The following CDH12 variants were observed in gnomAD, a reference collection of about 807,000 sequenced individuals.
The protein encoded by CDH12 is cadherin 12, also known as cadherin-12.
CDH12 carries 41 observed loss-of-function variants against 74.1 expected under a neutral mutation model. The observed-to-expected ratio is 0.55, with a 90% CI of 0.43 to 0.72. CDH12 has a LOEUF of 0.72. Ranked by LOEUF, CDH12 falls within the 30% of genes least tolerant of loss-of-function variation. The probability of loss-of-function intolerance (pLI) is 0.00; values close to 1 mark genes in which losing one functional copy is unlikely to be tolerated. For synonymous variants in CDH12, 399 were observed against 355.0 expected, an observed-to-expected ratio of 1.12 and a Z score of -1.39; for missense variants, 945 against 977.2, an observed-to-expected ratio of 0.97 and a Z score of 0.44.
chr5:21,781,994 G>T (rs1041838073), intron 11 of CDH12, among the ~76,000 whole-genome samples: 1 of 152,118 alleles, frequency 6.6e-6, no homozygotes, highest in Non-Finnish European at 1.5e-5. Context: ...TTACAATTTT[G>T]TGGGTAAGAA....
intron 8 of CDH12, among the ~76,000 whole-genome samples, chr5:21,840,232 A>G (rs1349552081): frequency 6.6e-6 from 1 of 152,198 alleles, no homozygotes; most frequent in Non-Finnish European, 1.5e-5. Context: ...GAGGCTCCAT[A>G]TTACATTAGA....
intron 5 of CDH12, among the ~76,000 whole-genome samples, chr5:22,010,021 T>C (rs1318211519): frequency 6.6e-6 from 1 of 151,732 alleles, no homozygotes; most frequent in African/African-American, 2.4e-5. Context: ...AGTTTCTCGT[T>C]TTAAGAGAAA....
chr5:21,900,339 G>T (rs74958108), intron 6 of CDH12, among the ~76,000 whole-genome samples: 3,852 of 152,170 alleles, frequency 0.025, 96 homozygotes, highest in African/African-American at 0.053. Flanking sequence ...TAAACAATAC[G>T]TTATTATTCT....
chr5:21,804,103 C>T (rs908843403), intron 9 of CDH12, among the ~76,000 whole-genome samples: 2 of 151,888 alleles, frequency 1.3e-5, no homozygotes, highest in African/African-American at 4.8e-5. Context: ...TCAATGTTTT[C>T]TTTTTACTTT....
chr5:22,116,219 G>C (rs915505963), intron 4 of CDH12, among the ~76,000 whole-genome samples: 1 of 152,156 alleles, frequency 6.6e-6, no homozygotes, highest in African/African-American at 2.4e-5. Flanking sequence ...AACGGGAAAA[G>C]TTAGAGAGGT....
intron 3 of CDH12, among the ~76,000 whole-genome samples, chr5:22,382,184 T>C (rs1005613930): frequency 2.1e-5 from 3 of 145,732 alleles, no homozygotes; most frequent in East Asian, 2.0e-4. Context: ...ATTTATAATA[T>C]ATATTATTTT....
intron 1 of CDH12, among the ~76,000 whole-genome samples, chr5:22,594,801 G>A (rs1736520467): frequency 7.2e-6 from 1 of 138,860 alleles, no homozygotes; most frequent in African/African-American, 2.6e-5. Context: ...GGAACATACT[G>A]CTGAGGGGAA....
At chr5:22,751,602 T>C (rs571658644) in intron 1 of CDH12, among the ~76,000 whole-genome samples, 231 of 152,204 alleles carry the variant, frequency 1.5e-3, no homozygotes, top group African/African-American at 5.0e-3. Flanking sequence ...TATAGAACAT[T>C]AATGTTTCTA....
At chr5:22,838,278 T>C (rs1203230038) in intron 1 of CDH12, among the ~76,000 whole-genome samples, 2 of 152,138 alleles carry the variant, frequency 1.3e-5, no homozygotes, top group Non-Finnish European at 2.9e-5. Context: ...CCTATCATGG[T>C]CCCACCATCC....
intron 2 of CDH12, among the ~76,000 whole-genome samples, chr5:22,414,994 T>G (rs1164634885): frequency 6.6e-6 from 1 of 152,120 alleles, no homozygotes; most frequent in African/African-American, 2.4e-5. Context: ...CTCATTTCTA[T>G]TACTAAAATA....
intron 1 of CDH12, among the ~76,000 whole-genome samples, chr5:22,561,324 A>G (rs1739036350): frequency 6.6e-6 from 1 of 152,174 alleles, no homozygotes; most frequent in Non-Finnish European, 1.5e-5. Context: ...ATATATAGGC[A>G]CAATCCTTAT....
chr5:21,889,040 A>G (rs190648426), intron 6 of CDH12, among the ~76,000 whole-genome samples: 2 of 152,246 alleles, frequency 1.3e-5, no homozygotes, highest in Non-Finnish European at 1.5e-5. Context: ...AAAAGCACAT[A>G]TGATTATATA....
chr5:22,849,836 A>T (rs1737467343), intron 1 of CDH12, among the ~76,000 whole-genome samples: 1 of 152,204 alleles, frequency 6.6e-6, no homozygotes, highest in Middle Eastern at 3.4e-3. Context: ...TTAAATATTC[A>T]TGGAGCAAGG....
At chr5:22,560,713 C>A (rs1012250384) in intron 1 of CDH12, among the ~76,000 whole-genome samples, 1 of 151,908 alleles carries the variant, frequency 6.6e-6, no homozygotes, top group Non-Finnish European at 1.5e-5. Context: ...CTGCACAGAT[C>A]GTCAAGTTTT....
chr5:22,680,674 T>C (rs1421505222), intron 1 of CDH12, among the ~76,000 whole-genome samples: 3 of 152,066 alleles, frequency 2.0e-5, no homozygotes, highest in Admixed American at 2.0e-4. Context: ...ACTATGTTGA[T>C]TGCTTCAGCA....
At chr5:21,940,677 G>A (rs1233797359) in intron 6 of CDH12, among the ~76,000 whole-genome samples, 2 of 152,116 alleles carry the variant, frequency 1.3e-5, no homozygotes, top group Non-Finnish European at 2.9e-5. Context: ...GCTTCATGTA[G>A]TATAAATCTG....
chr5:21,802,583 AT>A (rs1488305945), intron 9 of CDH12, among the ~76,000 whole-genome samples, 163 bp from the exon 10 acceptor site: 3 of 96,996 alleles, frequency 3.1e-5, no homozygotes, highest in Middle Eastern at 5.7e-3. Context: ...AAGGCAAACC[AT>A]TTTTTTTTCT....
At chr5:22,194,663 A>T (rs1580385326) in intron 4 of CDH12, among the ~76,000 whole-genome samples, 1 of 152,244 alleles carries the variant, frequency 6.6e-6, no homozygotes, top group East Asian at 1.9e-4. Context: ...TTTATGAAAA[A>T]AACTTGCCAC....
intron 5 of CDH12, among the ~76,000 whole-genome samples, chr5:22,071,168 G>T (rs1012860315): frequency 2.0e-5 from 3 of 151,628 alleles, no homozygotes; most frequent in African/African-American, 4.8e-5. Flanking sequence ...AAAATTGTTT[G>T]CATAAAATTA....
Sources: allele counts gnomAD v4.1 joint callset (sites outside exome capture counted in the v4.1 genomes callset), GRCh38; gene constraint gnomAD v4.1.1; transcripts MANE v1.5; gene names NCBI Gene and HGNC (gene_info 2026-07-23, HGNC 2026-07-21).